Variants in TATDN2 observed in about 807,000 individuals in gnomAD.
TATDN2 encodes 3'-5' RNA nuclease TATDN2.
A neutral mutation model predicts 60.3 loss-of-function variants in TATDN2; 44 were observed. The observed-to-expected ratio is 0.73, with a 90% CI of 0.57 to 0.94. The LOEUF is 0.94. Ranked by LOEUF, TATDN2 falls within the 40% of genes least tolerant of loss-of-function variation. The pLI, the probability that TATDN2 is intolerant of heterozygous loss-of-function variation, is 0.00. For synonymous variants in TATDN2, 399 were observed against 355.8 expected, an observed-to-expected ratio of 1.12 and a Z score of -1.37; for missense variants, 997 against 948.0, an observed-to-expected ratio of 1.05 and a Z score of -0.68.
chr3:10,270,912 G>T lies in TATDN2; in HGVS notation c.1730G>T (p.Arg577Ile). 6.2e-7 allele frequency: 1 copy of T among 1,614,208 alleles called. No homozygotes were observed. The highest frequency in any genetic ancestry group is 8.5e-7 in the Non-Finnish European group (1 of 1,180,024). Residue 577 changes from arginine (R) to isoleucine (I), a missense_variant, in exon 4 of 8, where the codon AGA becomes ATA. By Grantham distance (97) the Arg-to-Ile change is moderately conservative (BLOSUM62 -3). Coordinates refer to ENST00000448281, the MANE Select transcript of TATDN2 (RefSeq NM_014760.4). ...CGTTACTACAGTGAGAGTCAAGAAA[G>T]AAATCTTTTGCAAGCCTTAAGGCAC... ...FARYYSESQE[R>I]NLLQALRHPK...
chr3:10,260,817 T>C, intron 3 of TATDN2, 147 bp downstream of exon 3: 1 of 968,410 alleles, frequency 1.0e-6, no homozygotes. Flanking sequence ...GGTTTTCTTC[T>C]AACATACTTT....
In TATDN2 at chr3:10,280,714, G is replaced by C. The variant is rs77548531; in HGVS notation, c.*1532G>C. ...GGAACTCAGCCTTGATTCACTGTCC[G>C]TCTTCACGGATTAGCTGTGCTGTTA... On this transcript the variant is annotated 3_prime_UTR_variant, in exon 8 of 8. Transcript: ENST00000448281. 6.5e-6 allele frequency: 1 copy of C among 153,780 alleles called. No individual in the cohort carries two copies. The highest frequency in any genetic ancestry group is 2.4e-5 in the African/African-American group (1 of 41,452). The allele number at this position is 153,780 out of a possible 1,614,324, so 9.5% of individuals were successfully genotyped here. A position where few individuals can be genotyped will look rare whatever the true frequency, so the allele number is the denominator to read the frequency against.
chr3:10,277,239 G>A (rs1698652945), intron 5 of TATDN2, among the ~76,000 whole-genome samples: 1 of 152,178 alleles, frequency 6.6e-6, no homozygotes, highest in Non-Finnish European at 1.5e-5. Flanking sequence ...TGTTTTATCA[G>A]AATGGCATCT....
Position 10,270,799 on chromosome 3 carries a change from T to TC in TATDN2, c.1621dup (p.Arg541ProfsTer33). 6.2e-7 allele frequency: 1 copy of TC among 1,614,192 alleles called. No homozygotes were observed. Among genetic ancestry groups the TC allele is most frequent in the Non-Finnish European group, 8.5e-7 (1 of 1,180,036 alleles). On this transcript the variant is annotated frameshift_variant, in exon 4 of 8. Transcript: ENST00000448281. LOFTEE classifies it high-confidence loss of function. Reference sequence around the variant, plus strand: ...AGGGCTGCATCTCTGACTTCTGTGATCCCCGCACCCTGACAGATTGCCTAT... The same window carrying TC: ...AGGGCTGCATCTCTGACTTCTGTGATCCCCCGCACCCTGACAGATTGCCTAT...
Position 10,279,052 on chromosome 3 carries a change from C to G in TATDN2, c.*27C>G. The G allele has an allele frequency of 6.2e-7, 1 of 1,601,268 alleles. No homozygotes were observed. The highest frequency in any genetic ancestry group is 8.5e-7 in the Non-Finnish European group (1 of 1,175,600). Reference sequence around the variant, plus strand: ...CAGAGAAGGTACAGTCCTCGGGAGTCTCCTAGAAAAGGTCGTAAAACTCAC... The same window carrying G: ...CAGAGAAGGTACAGTCCTCGGGAGTGTCCTAGAAAAGGTCGTAAAACTCAC... On this transcript the variant is annotated 3_prime_UTR_variant, in exon 7 of 8. Transcript: ENST00000448281.
At chr3:10,273,737 T>TG (rs1365500798) in intron 4 of TATDN2, among the ~76,000 whole-genome samples, 3 of 152,276 alleles carry the variant, frequency 2.0e-5, no homozygotes, top group African/African-American at 7.2e-5. Flanking sequence ...GCAAAACAAT[T>TG]GGGGAAAGAA....
Position 10,270,683 on chromosome 3 carries a change from C to T in TATDN2, c.1501C>T (p.His501Tyr), listed in dbSNP as rs1698549966. The change falls in exon 4 of 8, where the codon CAC becomes TAC. Residue 501 changes from histidine (H) to tyrosine (Y), a missense_variant. Transcript: ENST00000448281. ...LEEGFIDTHC[H>Y]LDMLYSKLSF... ...GGAGGGCTTCATTGACACTCATTGTCACCTGGACATGCTCTATTCCAAGCT... is the reference window on the plus strand; with the variant it reads ...GGAGGGCTTCATTGACACTCATTGTTACCTGGACATGCTCTATTCCAAGCT... 1 of 1,614,232 alleles carries T rather than the reference C, an allele frequency of 6.2e-7. No individual in the cohort carries two copies. The highest frequency in any genetic ancestry group is 8.5e-7 in the Non-Finnish European group (1 of 1,180,034).
rs201571997 is a variant in TATDN2, at chr3:10,278,985, C to G, written c.2246C>G (p.Ala749Gly). 1.2e-6 allele frequency: 2 copies of G among 1,614,258 alleles called. No homozygotes were observed. Among genetic ancestry groups the G allele is most frequent in the Non-Finnish European group, 8.5e-7 (1 of 1,180,048 alleles). ...GATCAGCCACTCTCCCTCACCTTGG[C>G]TGCCTTGCGTGAGAACACCAGTCGC... The part of the protein sequence containing the change: ...VKDQPLSLTL[A>G]ALRENTSRLY... Residue 749 changes from alanine (A) to glycine (G), a missense_variant, in exon 7 of 8, where the codon GCT becomes GGT. Coordinates refer to ENST00000448281, the MANE Select transcript of TATDN2 (RefSeq NM_014760.4). This position sits in a 1 kb window ranked among gnomAD's most constrained non-coding sequence, Gnocchi z 4.7.
Position 10,249,493 on chromosome 3 carries a change from C to G in TATDN2, c.293C>G (p.Ser98Cys). 1.2e-6 allele frequency: 2 copies of G among 1,612,556 alleles called. No homozygotes were observed. Among genetic ancestry groups the G allele is most frequent in the Non-Finnish European group, 1.7e-6 (2 of 1,179,308 alleles). The stretch of plus-strand genomic sequence containing the variant: ...GGCCCTGGTGTGGGCGGGGCCGCCT[C>G]CAAAGGCTGCCTGATTCGGAACACT... The part of the protein sequence containing the change: ...FLGPGVGGAA[S>C]KGCLIRNTRG... Residue 98 changes from serine to cysteine, a missense_variant, in exon 2 of 8, where the codon TCC becomes TGC. Physicochemically the swap from Ser to Cys is moderately radical, Grantham distance 112. Coordinates refer to ENST00000448281, the MANE Select transcript of TATDN2 (RefSeq NM_014760.4).
chr3:10,251,076 C>T (rs1452359080), intron 2 of TATDN2, among the ~76,000 whole-genome samples: 1 of 152,138 alleles, frequency 6.6e-6, no homozygotes, highest in African/African-American at 2.4e-5. Flanking sequence ...CCACCTTTCT[C>T]TCATTAAGGC....
At chr3:10,257,617 A>C (rs910775621) in intron 2 of TATDN2, among the ~76,000 whole-genome samples, 10 of 149,764 alleles carry the variant, frequency 6.7e-5, no homozygotes, top group Admixed American at 1.3e-4. Context: ...AAAAACAAAA[A>C]AAAAAAACAA....
At chr3:10,251,687 A>G (rs1255903657) in intron 2 of TATDN2, among the ~76,000 whole-genome samples, 1 of 151,908 alleles carries the variant, frequency 6.6e-6, no homozygotes, top group Admixed American at 6.5e-5. Context: ...TGCCCGGCCA[A>G]TTGTATTCTT....
chr3:10,249,486 G>T lies in TATDN2; in HGVS notation c.286G>T (p.Ala96Ser), dbSNP rs1698188739. The T allele has an allele frequency of 6.2e-7, 1 of 1,613,236 alleles. No individual in the cohort carries two copies. Among genetic ancestry groups the T allele is most frequent in the Non-Finnish European group, 8.5e-7 (1 of 1,179,610 alleles). Residue 96 changes from alanine (A) to serine (S), a missense_variant, in exon 2 of 8, where the codon GCC (alanine) becomes TCC (serine). Physicochemically the swap from Ala to Ser is moderately conservative, Grantham distance 99. Coordinates refer to ENST00000448281, the MANE Select transcript of TATDN2 (RefSeq NM_014760.4). ...PHFLGPGVGG[A>S]ASKGCLIRNT... The stretch of plus-strand genomic sequence containing the variant: ...TTTCTTGGGCCCTGGTGTGGGCGGG[G>T]CCGCCTCCAAAGGCTGCCTGATTCG...
In TATDN2 at chr3:10,278,811, GA is replaced by G. The variant is rs759026742; in HGVS notation, c.2146-73del. 1.1e-5 allele frequency: 18 copies of G among 1,608,512 alleles called. No individual in the cohort carries two copies. Among genetic ancestry groups the G allele is most frequent in the Non-Finnish European group, 1.4e-5 (17 of 1,178,004 alleles). On this transcript the variant is annotated intron_variant, in intron 6 of 7. Coordinates refer to ENST00000448281, the MANE Select transcript of TATDN2 (RefSeq NM_014760.4). The surrounding 1 kb of genome is among the most constrained non-coding windows in gnomAD (Gnocchi z 4.7). ...CCAAAGAGGTCCTTGCTGGGGAAGGGACAGGGAGGGAGTTCTAGATTATGAC... is the reference window on the plus strand; with the variant it reads ...CCAAAGAGGTCCTTGCTGGGGAAGGGCAGGGAGGGAGTTCTAGATTATGAC...
At position 10,248,693 on chromosome 3, in the gene TATDN2, TG is replaced by T. The variant is rs1698170080; in HGVS notation, c.-378del. 6.6e-6 allele frequency: 1 copy of T among 151,448 alleles called. No homozygotes were observed. The highest frequency in any genetic ancestry group is 2.4e-5 in the African/African-American group (1 of 41,218). 9.4% of individuals were successfully genotyped at this position (151,448 alleles called of 1,614,324 possible). ...GGGCCCCTTCCGGCCCGGGTCTGGT[TG>T]GGCCGCAGGAGCAGGGCGGGCTGCG... is the stretch of plus-strand genomic sequence containing the variant. On this transcript the variant is annotated 5_prime_UTR_variant, in exon 1 of 8. Coordinates refer to ENST00000448281, the MANE Select transcript of TATDN2 (RefSeq NM_014760.4).
At position 10,281,069 on chromosome 3, in the gene TATDN2, C is replaced by T. The variant is rs914513294; in HGVS notation, c.*1887C>T. On this transcript the variant is annotated 3_prime_UTR_variant, in exon 8 of 8. Transcript: ENST00000448281. Reference sequence around the variant, plus strand: ...TGTGCTGTTGCACAGTGAAACCTCACCTGTGTGGGCGTGAAAGCTGATTGG... The same window carrying T: ...TGTGCTGTTGCACAGTGAAACCTCATCTGTGTGGGCGTGAAAGCTGATTGG... 3 of 152,218 alleles carry T rather than the reference C, an allele frequency of 2.0e-5. No individual in the cohort carries two copies. Among genetic ancestry groups the T allele is most frequent in the African/African-American group, 7.2e-5 (3 of 41,448 alleles). 9.4% of individuals were successfully genotyped at this position (152,218 alleles called of 1,614,324 possible).
At chr3:10,257,031 A>C (rs1306138544) in intron 2 of TATDN2, among the ~76,000 whole-genome samples, 1 of 151,912 alleles carries the variant, frequency 6.6e-6, no homozygotes, top group South Asian at 2.1e-4. Flanking sequence ...ACGGTGGCTC[A>C]TGCCTGTAAT....
intron 2 of TATDN2, among the ~76,000 whole-genome samples, chr3:10,254,054 A>G (rs1256581324): frequency 1.3e-5 from 2 of 152,220 alleles, no homozygotes; most frequent in African/African-American, 4.8e-5. Flanking sequence ...ACAGTAAAGC[A>G]CTGGGTATTG....
In TATDN2 at chr3:10,260,682, T is replaced by C; in HGVS notation, c.948+12T>C. ...TAGAAATCCAAAAGGTGAGTAAAGC[T>C]TGTACCAGGCATCTGACTTTTTAGT... On this transcript the variant is annotated intron_variant, in intron 3 of 7. Coordinates refer to ENST00000448281, the MANE Select transcript of TATDN2 (RefSeq NM_014760.4). 21 of 1,605,428 alleles carry C rather than the reference T, an allele frequency of 1.3e-5. No homozygotes were observed. The highest frequency in any genetic ancestry group is 1.8e-5 in the Non-Finnish European group (21 of 1,175,652).
Sources: gnomAD v4.1 joint callset for allele counts (sites outside exome capture counted in the v4.1 genomes callset) on GRCh38, gnomAD v4.1.1 for gene constraint, Gnocchi (gnomAD v3.1) non-coding constraint, MANE v1.5 for transcripts, NCBI Gene and HGNC (gene_info 2026-07-23, HGNC 2026-07-21) for gene names.